RIT2: variants seen among roughly 807,000 people sequenced by gnomAD.
The protein encoded by RIT2 is GTP-binding protein Rit2.
RIT2 carries 24 observed loss-of-function variants against 23.7 expected under a neutral mutation model. The ratio of observed to expected loss-of-function variants is 1.01; its 90% CI spans 0.73 to 1.43. RIT2 has a LOEUF of 1.43. RIT2 is among the 40% of genes most tolerant of loss of function. The pLI is 0.00. For missense variants in RIT2, 236 were observed against 266.9 expected (o/e 0.88, Z 0.81); for synonymous variants, 107 against 91.1 (o/e 1.17, Z -0.99).
chr18:42,962,472 T>C (rs1306118081), intron 3 of RIT2, among the ~76,000 whole-genome samples: 1 of 152,192 alleles, frequency 6.6e-6, no homozygotes, highest in Non-Finnish European at 1.5e-5. Context: ...TGATTCAAGA[T>C]GAGAGAATAG....
At chr18:42,817,105 A>G (rs1906020287) in intron 4 of RIT2, among the ~76,000 whole-genome samples, 1 of 152,088 alleles carries the variant, frequency 6.6e-6, no homozygotes, top group Admixed American at 6.6e-5. Context: ...TCAGACTCCA[A>G]TCTGGCTCTG....
At chr18:42,751,735 G>A (rs750488988) in intron 4 of RIT2, among the ~76,000 whole-genome samples, 9 of 151,788 alleles carry the variant, frequency 5.9e-5, no homozygotes, top group Non-Finnish European at 1.3e-4. Flanking sequence ...TATTAATTCT[G>A]TGCTATCTAA....
intron 1 of RIT2, among the ~76,000 whole-genome samples, chr18:43,085,330 C>T (rs1035913768): frequency 6.6e-6 from 1 of 151,846 alleles, no homozygotes; most frequent in Admixed American, 6.6e-5. Context: ...ACCTCACAAC[C>T]TTATTGGGTT....
chr18:43,081,699 A>G (rs1483724394), intron 1 of RIT2, among the ~76,000 whole-genome samples: 1 of 152,034 alleles, frequency 6.6e-6, no homozygotes, highest in Non-Finnish European at 1.5e-5. Flanking sequence ...AGGTCTTTTT[A>G]TTTCCTGTTT....
At chr18:42,909,201 G>T (rs1383852968) in intron 4 of RIT2, among the ~76,000 whole-genome samples, 1 of 152,116 alleles carries the variant, frequency 6.6e-6, no homozygotes, top group Non-Finnish European at 1.5e-5. Flanking sequence ...GGCCATTATT[G>T]TAAGTGAAAT....
chr18:42,844,699 C>A (rs1388068915), intron 4 of RIT2, among the ~76,000 whole-genome samples: 1 of 151,930 alleles, frequency 6.6e-6, no homozygotes, highest in African/African-American at 2.4e-5. Flanking sequence ...TTGGAAAAGG[C>A]AACATTGATT....
chr18:42,781,752 C>T (rs1475271674), intron 4 of RIT2, among the ~76,000 whole-genome samples: 2 of 152,180 alleles, frequency 1.3e-5, no homozygotes, highest in African/African-American at 4.8e-5. Flanking sequence ...TATTTGCACA[C>T]TTGCATTAAT....
At chr18:42,853,501 C>G (rs1484639248) in intron 4 of RIT2, among the ~76,000 whole-genome samples, 1 of 152,128 alleles carries the variant, frequency 6.6e-6, no homozygotes, top group African/African-American at 2.4e-5. Flanking sequence ...CTAGCCTTTG[C>G]ACGTTAAAAG....
chr18:42,797,815 A>G (rs907116854), intron 4 of RIT2, among the ~76,000 whole-genome samples: 8 of 152,366 alleles, frequency 5.3e-5, no homozygotes, highest in African/African-American at 1.9e-4. Context: ...TAACTTATTT[A>G]TAAGGCAAAT....
intron 3 of RIT2, among the ~76,000 whole-genome samples, chr18:42,939,821 T>C (rs1038056990): frequency 6.6e-6 from 1 of 151,902 alleles, no homozygotes; most frequent in African/African-American, 2.4e-5. Context: ...CATCATATAA[T>C]ACAAAAAACA....
At chr18:42,876,572 C>T (rs1355321930) in intron 4 of RIT2, among the ~76,000 whole-genome samples, 1 of 151,700 alleles carries the variant, frequency 6.6e-6, no homozygotes, top group Non-Finnish European at 1.5e-5. Flanking sequence ...AAAGCAAAAA[C>T]CATGAATAAC....
chr18:42,829,830 G>A (rs576473783), intron 4 of RIT2, among the ~76,000 whole-genome samples: 13 of 152,216 alleles, frequency 8.5e-5, no homozygotes, highest in South Asian at 2.1e-4. Flanking sequence ...TAAAAGATAC[G>A]TTATAATTTA....
chr18:42,895,845 T>A (rs1218630548), intron 4 of RIT2, among the ~76,000 whole-genome samples: 1 of 152,120 alleles, frequency 6.6e-6, no homozygotes, highest in Non-Finnish European at 1.5e-5. Context: ...GCTTAGTAAA[T>A]CATGAATAGG....
intron 3 of RIT2, among the ~76,000 whole-genome samples, chr18:42,941,075 G>T (rs1008143491): frequency 6.6e-6 from 1 of 152,128 alleles, no homozygotes; most frequent in Non-Finnish European, 1.5e-5. Flanking sequence ...GCAGAAGAGA[G>T]GCTTTAAACA....
chr18:42,941,841 C>T (rs550459472), intron 3 of RIT2, among the ~76,000 whole-genome samples: 8 of 151,992 alleles, frequency 5.3e-5, no homozygotes, highest in African/African-American at 1.9e-4. Context: ...ATGAACAACC[C>T]TATAATGAAG....
chr18:43,099,525 C>G (rs963925696), intron 1 of RIT2, among the ~76,000 whole-genome samples: 6 of 151,880 alleles, frequency 4.0e-5, no homozygotes, highest in African/African-American at 1.5e-4. Flanking sequence ...TATCAAATAC[C>G]TATATACAGA....
At chr18:42,827,562 A>G (rs1906330441) in intron 4 of RIT2, among the ~76,000 whole-genome samples, 1 of 152,138 alleles carries the variant, frequency 6.6e-6, no homozygotes, top group South Asian at 2.1e-4. Flanking sequence ...ATAAAAAAGA[A>G]AAAGGGAATG....
At chr18:42,817,360 TG>T (rs1418826354) in intron 4 of RIT2, among the ~76,000 whole-genome samples, 1 of 152,204 alleles carries the variant, frequency 6.6e-6, no homozygotes, top group African/African-American at 2.4e-5. Context: ...ATCCATTTTG[TG>T]ATCAGTTTGA....
intron 2 of RIT2, among the ~76,000 whole-genome samples, chr18:42,999,447 G>A (rs1023236591): frequency 6.6e-6 from 1 of 152,020 alleles, no homozygotes; most frequent in Non-Finnish European, 1.5e-5. Flanking sequence ...TGAGAAAAGG[G>A]GAAAAGTGAC....
Sources: allele counts gnomAD v4.1 joint callset (sites outside exome capture counted in the v4.1 genomes callset), GRCh38; gene constraint gnomAD v4.1.1; transcripts MANE v1.5; gene names NCBI Gene and HGNC (gene_info 2026-07-23, HGNC 2026-07-21).